Variants in AEBP1 observed in about 807,000 individuals in gnomAD.
AEBP1 encodes the protein adipocyte enhancer-binding protein 1.
AEBP1 carries 69 observed loss-of-function variants against 116.5 expected under a neutral mutation model. The ratio of observed to expected loss-of-function variants is 0.59; its 90% confidence interval spans 0.49 to 0.72. The LOEUF (loss-of-function observed/expected upper bound fraction) is 0.72. Ranked by LOEUF, AEBP1 falls within the 30% of genes least tolerant of loss-of-function variation. AEBP1 has a pLI of 0.00. For synonymous variants in AEBP1, 627 were observed against 627.3 expected (o/e 1.00, Z 0.01); for missense variants, 1,444 against 1,557.5 (o/e 0.93, Z 1.23).
At position 44,111,046 on chromosome 7, in the gene AEBP1, G is replaced by A. The variant is rs1483338543; in HGVS notation, c.1619G>A (p.Cys540Tyr). The A allele has an allele frequency of 6.2e-7, 1 of 1,610,696 alleles. No homozygotes were observed. Among genetic ancestry groups the A allele is most frequent in the South Asian group, 1.1e-5 (1 of 90,676 alleles). Residue 540 changes from cysteine to tyrosine, a missense_variant, in exon 13 of 21, where the codon TGC (cysteine) becomes TAC (tyrosine). Cys to Tyr is a radical substitution (Grantham distance 194). Coordinates refer to ENST00000223357, the MANE Select transcript of AEBP1 (RefSeq NM_001129.5). The surrounding 1 kb of genome is among the most constrained non-coding windows in gnomAD (Gnocchi z 4.7). ...SLCMRLEVLG[C>Y]SVAPVYSYYA... ...TGCATGCGCCTGGAGGTGCTGGGGT[G>A]CTCTGTGGCCCGTGAGTGTGGAGGG...
In AEBP1 at chr7:44,104,857, G is replaced by A. The variant is rs1415012854; in HGVS notation, c.192G>A (p.Pro64=). 1.3e-6 allele frequency: 2 copies of A among 1,574,172 alleles called. No individual in the cohort carries two copies. Residue 64 remains proline, a synonymous_variant, in exon 1 of 21, where the codon CCG becomes CCA. Transcript: ENST00000223357. Reference sequence around the variant, plus strand: ...CCCCGCCGCCTCCCGAGCCCACCCCGCGGGTCCGAAAAGCCCAGGCGGGGG... The same window carrying A: ...CCCCGCCGCCTCCCGAGCCCACCCCACGGGTCCGAAAAGCCCAGGCGGGGG... ...VEAPPPPEPT[P]RVRKAQAGGK...
intron 1 of AEBP1, among the ~76,000 whole-genome samples, chr7:44,105,617 C>T (rs1162056164): frequency 1.3e-5 from 2 of 152,080 alleles, no homozygotes; most frequent in Non-Finnish European, 2.9e-5. Context: ...CCTGCCACCC[C>T]AGCTCTAGAT....
Position 44,109,204 on chromosome 7 carries a change from G to A in AEBP1, c.1096+20G>A. 1 of 1,613,362 alleles carries A rather than the reference G, an allele frequency of 6.2e-7. No homozygotes were observed. The highest frequency in any genetic ancestry group is 1.1e-5 in the South Asian group (1 of 91,028). On this transcript the variant is annotated intron_variant, in intron 8 of 20. Transcript: ENST00000223357. ...ACAAAGGTGTGTGGCTGGGGCTTGG[G>A]GCCTGGGTCCCTGTGGGGCAGCATC... is the stretch of plus-strand genomic sequence containing the variant.
rs777092628 is a variant in AEBP1 at position 44,107,419 on chromosome 7, C to T, written c.596-20C>T. Reference sequence around the variant, plus strand: ...GAGCAGGCCTCCCGCCCACCTGCTTCTGGAACTCCTGTGTTGCAGGGGCGC... The same window carrying T: ...GAGCAGGCCTCCCGCCCACCTGCTTTTGGAACTCCTGTGTTGCAGGGGCGC... On this transcript the variant is annotated intron_variant, in intron 2 of 20. Coordinates refer to ENST00000223357, the MANE Select transcript of AEBP1 (RefSeq NM_001129.5). This position sits in a 1 kb window ranked among gnomAD's most constrained non-coding sequence, Gnocchi z 4.3. 6.2e-7 allele frequency: 1 copy of T among 1,612,842 alleles called. No homozygotes were observed. The highest frequency in any genetic ancestry group is 1.7e-5 in the Admixed American group (1 of 60,004).
In AEBP1 at chr7:44,111,439, G is replaced by T; in HGVS notation, c.1717-68G>T. ...CCTCGCCATAGAGCAGGCCCTGGAAGTGGAAGGGGCATGGTCAGCGGGGGA... is the reference window on the plus strand; with the variant it reads ...CCTCGCCATAGAGCAGGCCCTGGAATTGGAAGGGGCATGGTCAGCGGGGGA... On this transcript the variant is annotated intron_variant, in intron 14 of 20. Coordinates refer to ENST00000223357, the MANE Select transcript of AEBP1 (RefSeq NM_001129.5). The surrounding 1 kb of genome is among the most constrained non-coding windows in gnomAD (Gnocchi z 4.7). The T allele has an allele frequency of 6.6e-7, 1 of 1,513,282 alleles. No homozygotes were observed. Among genetic ancestry groups the T allele is most frequent in the Non-Finnish European group, 8.9e-7 (1 of 1,129,876 alleles). The allele number at this position is 1,513,282 out of a possible 1,614,324, so 93.7% of individuals were successfully genotyped here.
rs45532335 is a variant in AEBP1 at position 44,110,520 on chromosome 7, C to T, written c.1400+174C>T. Among the ~76,000 whole-genome samples, 90,389 of 152,140 alleles carry T rather than the reference C, an allele frequency of 0.59. 27,676 individuals carry two copies. Among genetic ancestry groups the T allele is most frequent in the African/African-American group, 0.74 (30,784 of 41,530 alleles). ...CCACTCCTCAGCCTGGTCAGTCAGC[C>T]CCTGTGTCCTGATAGCACATGAGTT... On this transcript the variant is annotated intron_variant, in intron 11 of 20. Coordinates refer to ENST00000223357, the MANE Select transcript of AEBP1 (RefSeq NM_001129.5).
intron 11 of AEBP1, 103 bp from the exon 12 acceptor site, chr7:44,110,622 C>G (rs552566084): frequency 8.6e-7 from 1 of 1,158,334 alleles, no homozygotes; most frequent in South Asian, 1.5e-5. Context: ...GCAGCACCAC[C>G]CTGCTAGCTC....
At position 44,112,384 on chromosome 7, in the gene AEBP1, C is replaced by T. The variant is rs1004628609; in HGVS notation, c.2217+63C>T. ...AGCTGGACCCTGGGGTCCTGGTGTT[C>T]TGGGCTTGGGGGTGGGGCTGACGGT... On this transcript the variant is annotated intron_variant, in intron 17 of 20. Transcript: ENST00000223357. The surrounding 1 kb of genome is among the most constrained non-coding windows in gnomAD (Gnocchi z 6.6). 5 of 1,501,138 alleles carry T rather than the reference C, an allele frequency of 3.3e-6. No individual in the cohort carries two copies. Among genetic ancestry groups the T allele is most frequent in the Admixed American group, 2.3e-5 (1 of 43,746 alleles). The allele number at this position is 1,501,138 out of a possible 1,614,324, so 93.0% of individuals were successfully genotyped here.
rs1409686828 is a variant in AEBP1, at chr7:44,111,942, C to G, written c.1929C>G (p.Cys643Trp). The part of the protein sequence containing the change: ...ELLLLLMQYL[C>W]REYRDGNPRV... ...TGCTGCTGCTCATGCAGTACCTGTG[C>G]CGAGAGTACCGCGATGGGAACCCAC... The change falls in exon 16 of 21, where the codon TGC becomes TGG. Residue 643 changes from cysteine (C) to tryptophan (W), a missense_variant. Coordinates refer to ENST00000223357, the MANE Select transcript of AEBP1 (RefSeq NM_001129.5). The surrounding 1 kb of genome is among the most constrained non-coding windows in gnomAD (Gnocchi z 4.7). 2.5e-6 allele frequency: 4 copies of G among 1,613,864 alleles called. No individual in the cohort carries two copies. The highest frequency in any genetic ancestry group is 3.4e-6 in the Non-Finnish European group (4 of 1,180,034).
chr7:44,106,415 C>T (rs1416709825), intron 1 of AEBP1, 131 bp from the exon 2 acceptor site: 1 of 1,044,986 alleles, frequency 9.6e-7, no homozygotes, highest in African/African-American at 1.6e-5. Flanking sequence ...ATGACTTAAC[C>T]TCTCAGTTTG....
Position 44,112,671 on chromosome 7 carries a change from C to T in AEBP1, c.2331C>T (p.Arg777=), listed in dbSNP as rs1391620070. 1 of 1,613,176 alleles carries T rather than the reference C, an allele frequency of 6.2e-7. No individual in the cohort carries two copies. The highest frequency in any genetic ancestry group is 8.5e-7 in the Non-Finnish European group (1 of 1,179,980). ...RLVSYPYDMA[R]TPTQEQLLAA... ...TATCCTACCCCTACGATATGGCCCGCACGCCTACCCAGGAGCAGCTGCTGG... is the reference window on the plus strand; with the variant it reads ...TATCCTACCCCTACGATATGGCCCGTACGCCTACCCAGGAGCAGCTGCTGG... Residue 777 remains arginine (R), a synonymous_variant, in exon 18 of 21, where the codon CGC becomes CGT. Coordinates refer to ENST00000223357, the MANE Select transcript of AEBP1 (RefSeq NM_001129.5). The surrounding 1 kb of genome is among the most constrained non-coding windows in gnomAD (Gnocchi z 6.6).
At position 44,104,390 on chromosome 7, in the gene AEBP1, G is replaced by T; in HGVS notation, c.-276G>T. Reference sequence around the variant, plus strand: ...TATCCGCGCGGGAGTGCGCCACGCGGGGCCGGAGCGCCTATTAGCCGCCAG... The same window carrying T: ...TATCCGCGCGGGAGTGCGCCACGCGTGGCCGGAGCGCCTATTAGCCGCCAG... On this transcript the variant is annotated 5_prime_UTR_variant, in exon 1 of 21. Transcript: ENST00000223357. The T allele has an allele frequency of 3.3e-6, 1 of 305,692 alleles. No individual in the cohort carries two copies. Among genetic ancestry groups the T allele is most frequent in the Admixed American group, 5.1e-5 (1 of 19,480 alleles). 18.9% of individuals were successfully genotyped at this position (305,692 alleles called of 1,614,324 possible).
Position 44,113,388 on chromosome 7 carries a change from G to A in AEBP1, c.2809+37G>A. Reference sequence around the variant, plus strand: ...GCACACCTTTACCCCATCTTTCTGAGGGAGGACCCGCCAGAGAGGGTGGGG... The same window carrying A: ...GCACACCTTTACCCCATCTTTCTGAAGGAGGACCCGCCAGAGAGGGTGGGG... On this transcript the variant is annotated intron_variant, in intron 20 of 20. Transcript: ENST00000223357. The surrounding 1 kb of genome is among the most constrained non-coding windows in gnomAD (Gnocchi z 5.3). 1 of 1,572,092 alleles carries A rather than the reference G, an allele frequency of 6.4e-7. No homozygotes were observed. The highest frequency in any genetic ancestry group is 8.7e-7 in the Non-Finnish European group (1 of 1,154,706).
At position 44,113,944 on chromosome 7, in the gene AEBP1, C is replaced by T; in HGVS notation, c.3160C>T (p.Pro1054Ser). Residue 1054 changes from proline to serine, a missense_variant, in exon 21 of 21, where the codon CCC (proline) becomes TCC (serine). By Grantham distance (74) the Pro-to-Ser change is moderately conservative. Transcript: ENST00000223357. This position sits in a 1 kb window ranked among gnomAD's most constrained non-coding sequence, Gnocchi z 5.3. ...CCCCCACACTGTGCCTCCCACGCTG[C>T]CCCCTGCCCCTGCCACCACCCTGAG... is the stretch of plus-strand genomic sequence containing the variant. ...LGPHTVPPTL[P>S]PAPATTLSTT... 6.2e-7 allele frequency: 1 copy of T among 1,613,088 alleles called. No homozygotes were observed. Among genetic ancestry groups the T allele is most frequent in the South Asian group, 1.1e-5 (1 of 91,022 alleles).
rs1583553718 is a variant in AEBP1, at chr7:44,111,361, A to G, written c.1716+122A>G. ...GTTCCAGGGATGCTGGCTGTCCCTC[A>G]CCTTAGGAAGGAGGCCAGTACCTGG... On this transcript the variant is annotated intron_variant, in intron 14 of 20. Coordinates refer to ENST00000223357, the MANE Select transcript of AEBP1 (RefSeq NM_001129.5). This position sits in a 1 kb window ranked among gnomAD's most constrained non-coding sequence, Gnocchi z 4.7. 2.1e-6 allele frequency: 3 copies of G among 1,406,764 alleles called. No homozygotes were observed. Among genetic ancestry groups the G allele is most frequent in the Admixed American group, 5.7e-5 (2 of 35,018 alleles). 87.1% of individuals were successfully genotyped at this position (1,406,764 alleles called of 1,614,324 possible).
At position 44,111,328 on chromosome 7, in the gene AEBP1, C is replaced by T; in HGVS notation, c.1716+89C>T. The T allele has an allele frequency of 2.1e-6, 3 of 1,413,758 alleles. No homozygotes were observed. Among genetic ancestry groups the T allele is most frequent in the East Asian group, 5.0e-5 (2 of 40,304 alleles). The allele number at this position is 1,413,758 out of a possible 1,614,324, so 87.6% of individuals were successfully genotyped here. On this transcript the variant is annotated intron_variant, in intron 14 of 20. Coordinates refer to ENST00000223357, the MANE Select transcript of AEBP1 (RefSeq NM_001129.5). The surrounding 1 kb of genome is among the most constrained non-coding windows in gnomAD (Gnocchi z 4.7). The stretch of plus-strand genomic sequence containing the variant: ...TGGTGCTTCTGTCACTGGGCCCAGT[C>T]CCTACTGGTTCCAGGGATGCTGGCT...
rs766868314 is a variant in AEBP1, at chr7:44,111,912, G to T, written c.1899G>T (p.Glu633Asp). 3.7e-6 allele frequency: 6 copies of T among 1,613,822 alleles called. No homozygotes were observed. The highest frequency in any genetic ancestry group is 5.1e-6 in the Non-Finnish European group (6 of 1,180,020). Residue 633 changes from glutamate to aspartate, a missense_variant, in exon 16 of 21, where the codon GAG becomes GAT. Glu to Asp is a conservative substitution (Grantham distance 45, BLOSUM62 2). Coordinates refer to ENST00000223357, the MANE Select transcript of AEBP1 (RefSeq NM_001129.5). The surrounding 1 kb of genome is among the most constrained non-coding windows in gnomAD (Gnocchi z 4.7). ...ATGGCAACGAGGTGCTGGGCCGAGA[G>T]CTGTTGCTGCTGCTCATGCAGTACC... is the stretch of plus-strand genomic sequence containing the variant. ...GIHGNEVLGRELLLLLMQYLC... is the reference protein window; with the variant it reads ...GIHGNEVLGRDLLLLLMQYLC...
In AEBP1 at chr7:44,104,426, C is replaced by T; in HGVS notation, c.-240C>T. 2.8e-6 allele frequency: 1 copy of T among 361,818 alleles called. No individual in the cohort carries two copies. The highest frequency in any genetic ancestry group is 4.9e-6 in the Non-Finnish European group (1 of 203,244). 22.4% of individuals were successfully genotyped at this position (361,818 alleles called of 1,614,324 possible). The stretch of plus-strand genomic sequence containing the variant: ...CCTATTAGCCGCCAGGACCTCGGAG[C>T]GCCCCGACCACCCCTGAGCCCCTCT... On this transcript the variant is annotated 5_prime_UTR_variant, in exon 1 of 21. Transcript: ENST00000223357.
At position 44,110,196 on chromosome 7, in the gene AEBP1, C is replaced by T. The variant is rs760886372; in HGVS notation, c.1261-11C>T. 2 of 1,613,554 alleles carry T rather than the reference C, an allele frequency of 1.2e-6. No individual in the cohort carries two copies. Among genetic ancestry groups the T allele is most frequent in the Non-Finnish European group, 1.7e-6 (2 of 1,180,006 alleles). The stretch of plus-strand genomic sequence containing the variant: ...TCCGCCCATGCTCAGCCTCCCCTGC[C>T]CCCTGGACAGACCGGTGCCACTGAG... On this transcript the variant is annotated splice_polypyrimidine_tract_variant and intron_variant, in intron 10 of 20. Coordinates refer to ENST00000223357, the MANE Select transcript of AEBP1 (RefSeq NM_001129.5).
Sources: allele counts gnomAD v4.1 joint callset (sites outside exome capture counted in the v4.1 genomes callset), GRCh38; gene constraint gnomAD v4.1.1; non-coding constraint Gnocchi (gnomAD v3.1); transcripts MANE v1.5; gene names NCBI Gene and HGNC (gene_info 2026-07-23, HGNC 2026-07-21).